Variants in SYT13 observed in about 807,000 individuals in gnomAD.
SYT13 encodes the protein synaptotagmin 13.
In SYT13, 21 loss-of-function variants were observed where a neutral mutation model predicts 38.6. That is an observed-to-expected ratio of 0.54 (90% CI 0.39 to 0.78). The LOEUF (loss-of-function observed/expected upper bound fraction) is 0.78. SYT13 is among the 30% of genes least tolerant of loss of function. SYT13 has a pLI of 0.00. For synonymous variants in SYT13, 241 were observed against 237.6 expected (o/e 1.01, Z -0.13); for missense variants, 495 against 548.7 (o/e 0.90, Z 0.98).
At chr11:45,247,822 G>A (rs1565375497) in intron 4 of SYT13, among the ~76,000 whole-genome samples, 1 of 152,216 alleles carries the variant, frequency 6.6e-6, no homozygotes, top group Non-Finnish European at 1.5e-5. Flanking sequence ...GCAGTCACAT[G>A]GGGAAGACAG....
At chr11:45,265,529 G>T (rs763748819) in intron 1 of SYT13, among the ~76,000 whole-genome samples, 4 of 152,208 alleles carry the variant, frequency 2.6e-5, no homozygotes, top group Non-Finnish European at 5.9e-5. Flanking sequence ...AGTTCTAGAG[G>T]CTGGAAGTCC....
Position 45,240,496 on chromosome 11 carries a change from C to G in SYT13, c.*3556G>C, listed in dbSNP as rs915744257. 2.6e-5 allele frequency: 4 copies of G among 152,586 alleles called. No individual in the cohort carries two copies. The highest frequency in any genetic ancestry group is 5.9e-5 in the Non-Finnish European group (4 of 68,038). The allele number at this position is 152,586 out of a possible 1,614,324, so 9.5% of individuals were successfully genotyped here. The stretch of plus-strand genomic sequence containing the variant: ...GACTAGTTGGTTTAGGTTACAGCCA[C>G]ATTTTACCCAGGACTCCTTTACATC... On this transcript the variant is annotated 3_prime_UTR_variant, in exon 6 of 6. Transcript: ENST00000020926.
intron 1 of SYT13, among the ~76,000 whole-genome samples, chr11:45,276,647 T>TA (rs199688458): frequency 0.031 from 4,765 of 151,938 alleles, 125 homozygotes; most frequent in African/African-American, 0.074. Context: ...GGTTTTTTTT[T>TA]AGATATTAAA....
At position 45,242,374 on chromosome 11, in the gene SYT13, G is replaced by C. The variant is rs887684861; in HGVS notation, c.*1678C>G. On this transcript the variant is annotated 3_prime_UTR_variant, in exon 6 of 6. Coordinates refer to ENST00000020926, the MANE Select transcript of SYT13 (RefSeq NM_020826.3). ...ACCTGAGATCTGGAGTTGAAGACCA[G>C]CCTGGCCAACATGGTGAAACCCCAT... 2 of 152,156 alleles carry C rather than the reference G, an allele frequency of 1.3e-5. No homozygotes were observed. The highest frequency in any genetic ancestry group is 2.9e-5 in the Non-Finnish European group (2 of 68,056). 9.4% of individuals were successfully genotyped at this position (152,156 alleles called of 1,614,324 possible). A position where few individuals can be genotyped will look rare whatever the true frequency, so the allele number is the denominator to read the frequency against.
At chr11:45,254,063 G>C (rs560702997) in intron 3 of SYT13, 2 of 458,786 alleles carry the variant, frequency 4.4e-6, no homozygotes, top group South Asian at 1.4e-4. Flanking sequence ...GAGAAAAAAC[G>C]TTTGTCAACC....
chr11:45,255,725 G>A lies in SYT13; in HGVS notation c.350C>T (p.Pro117Leu), dbSNP rs756301285. The change falls in exon 2 of 6, where the codon CCG becomes CTG. Residue 117 changes from proline to leucine, a missense_variant. Physicochemically the swap from Pro to Leu is moderately conservative, Grantham distance 98. Transcript: ENST00000020926. ...CTGCCTCTTGAGGCGACTGTCATTC[G>A]GGGGTTGGGGGCTGGCAGGTGCAGT... ...EPTAPASPQP[P>L]NDSRLKRQVT... 45 of 1,613,980 alleles carry A rather than the reference G, an allele frequency of 2.8e-5. No homozygotes were observed. Among genetic ancestry groups the A allele is most frequent in the Middle Eastern group, 3.3e-4 (2 of 6,084 alleles).
chr11:45,276,426 C>T (rs1343098776), intron 1 of SYT13, among the ~76,000 whole-genome samples: 1 of 152,078 alleles, frequency 6.6e-6, no homozygotes. Flanking sequence ...ACACCGGGAC[C>T]TGTCAGTGGG....
chr11:45,286,293 G>A lies in SYT13; in HGVS notation c.-86C>T. ...CGCCTCCAGGCAGCTCCCGGGATCC[G>A]GGCGAGCCAGCAGCTCTCCCGCCGC... On this transcript the variant is annotated 5_prime_UTR_variant, in exon 1 of 6. Transcript: ENST00000020926. 7.1e-7 allele frequency: 1 copy of A among 1,411,310 alleles called. No homozygotes were observed. Among genetic ancestry groups the A allele is most frequent in the Non-Finnish European group, 9.3e-7 (1 of 1,079,296 alleles). The allele number at this position is 1,411,310 out of a possible 1,614,324, so 87.4% of individuals were successfully genotyped here.
At chr11:45,283,008 C>T (rs535798078) in intron 1 of SYT13, among the ~76,000 whole-genome samples, 4 of 152,168 alleles carry the variant, frequency 2.6e-5, no homozygotes, top group Admixed American at 6.5e-5. Context: ...ATTAGTCAGG[C>T]GTGGTGGCAC....
intron 1 of SYT13, among the ~76,000 whole-genome samples, chr11:45,280,182 G>A (rs566161271): frequency 1.2e-4 from 19 of 152,268 alleles, no homozygotes; most frequent in African/African-American, 4.6e-4. Context: ...TGAATTAAAA[G>A]AAACAATCAG....
chr11:45,263,381 A>G (rs1428658966), intron 1 of SYT13, among the ~76,000 whole-genome samples: 1 of 152,128 alleles, frequency 6.6e-6, no homozygotes, highest in Non-Finnish European at 1.5e-5. Flanking sequence ...GACATGATTA[A>G]TTTTTCACCT....
chr11:45,253,018 G>C (rs1454851071), intron 3 of SYT13, among the ~76,000 whole-genome samples: 1 of 152,210 alleles, frequency 6.6e-6, no homozygotes, highest in African/African-American at 2.4e-5. Flanking sequence ...AAGGTGCCAA[G>C]GCTTGCTGCT....
chr11:45,245,156 C>T (rs1455876824), intron 5 of SYT13, among the ~76,000 whole-genome samples: 1 of 152,218 alleles, frequency 6.6e-6, no homozygotes, highest in Non-Finnish European at 1.5e-5. Context: ...CCTGCACGCT[C>T]CCCCAAACCC....
Position 45,255,840 on chromosome 11 carries a change from A to G in SYT13, c.235T>C (p.Phe79Leu). 1 of 1,614,158 alleles carries G rather than the reference A, an allele frequency of 6.2e-7. No individual in the cohort carries two copies. The highest frequency in any genetic ancestry group is 8.5e-7 in the Non-Finnish European group (1 of 1,180,008). ...GGCCTGGGTCCATAGATGTCTGGGA[A>G]CTTGAGGAGGGCACGGGGCTGAACA... ...EPVQPRALLK[F>L]PDIYGPRPAV... Residue 79 changes from phenylalanine to leucine, a missense_variant, in exon 2 of 6, where the codon TTC becomes CTC. By Grantham distance (22) the Phe-to-Leu change is conservative (BLOSUM62 0). Transcript: ENST00000020926.
In SYT13 at chr11:45,244,187, G is replaced by T; in HGVS notation, c.1146C>A (p.Asp382Glu). ...SSVELEVLGQDDSGQSCALGH... is the reference protein window; with the variant it reads ...SSVELEVLGQEDSGQSCALGH... Reference sequence around the variant, plus strand: ...CAAGCGCACAGCTCTGCCCTGAATCGTCCTGGCCCAGCACTTCCAGCTCCA... The same window carrying T: ...CAAGCGCACAGCTCTGCCCTGAATCTTCCTGGCCCAGCACTTCCAGCTCCA... Residue 382 changes from aspartate to glutamate, a missense_variant, in exon 6 of 6, where the codon GAC becomes GAA. Transcript: ENST00000020926. The T allele has an allele frequency of 6.2e-7, 1 of 1,614,028 alleles. No individual in the cohort carries two copies. The highest frequency in any genetic ancestry group is 8.5e-7 in the Non-Finnish European group (1 of 1,180,042).
intron 1 of SYT13, among the ~76,000 whole-genome samples, chr11:45,279,688 T>C (rs1855049547): frequency 6.6e-6 from 1 of 152,248 alleles, no homozygotes; most frequent in East Asian, 1.9e-4. Context: ...TATTACTGTA[T>C]GGAAATACTT....
At chr11:45,277,863 A>G (rs1053613803) in intron 1 of SYT13, among the ~76,000 whole-genome samples, 1 of 152,118 alleles carries the variant, frequency 6.6e-6, no homozygotes, top group African/African-American at 2.4e-5. Context: ...ACACATTTTC[A>G]TTTATTTGCC....
At position 45,286,078 on chromosome 11, in the gene SYT13, G is replaced by A. The variant is rs1277343328; in HGVS notation, c.130C>T (p.Gln44Ter). Residue 44 changes from glutamine (Q) to a stop codon, truncating the protein, a stop_gained, in exon 1 of 6, where the codon CAG (glutamine) becomes TAG (stop). Transcript: ENST00000020926. LOFTEE classifies it high-confidence loss of function. ...HPKKGLLPRD[Q>*]DPDLEKAKPS... ...TTCGCCTTCTCCAGGTCGGGGTCCT[G>A]GTCCCGCGGCAGCAGCCCCTTCTTG... 3.7e-6 allele frequency: 6 copies of A among 1,609,466 alleles called. No individual in the cohort carries two copies. The highest frequency in any genetic ancestry group is 5.1e-6 in the Non-Finnish European group (6 of 1,179,368).
chr11:45,257,358 T>C (rs1324302850), intron 1 of SYT13, among the ~76,000 whole-genome samples: 1 of 152,038 alleles, frequency 6.6e-6, no homozygotes, highest in African/African-American at 2.4e-5. Flanking sequence ...GGGCAGCCCA[T>C]AAAAAAGCCC....
Sources: allele counts gnomAD v4.1 joint callset (sites outside exome capture counted in the v4.1 genomes callset), GRCh38; gene constraint gnomAD v4.1.1; transcripts MANE v1.5; gene names NCBI Gene and HGNC (gene_info 2026-07-23, HGNC 2026-07-21).